Variants in ZDHHC15 observed in about 807,000 individuals in gnomAD.
ZDHHC15 encodes the protein zDHHC palmitoyltransferase 15, also known as palmitoyltransferase ZDHHC15.
A neutral mutation model predicts 31.7 loss-of-function variants in ZDHHC15; 19 were observed. That is an observed-to-expected ratio of 0.60 (90% CI 0.42 to 0.88). The LOEUF is 0.88. Among genes scored for constraint, ZDHHC15 ranks in the 40% least tolerant of loss-of-function variants. The pLI is 0.00. For missense variants in ZDHHC15, 209 were observed against 251.2 expected, an observed-to-expected ratio of 0.83 and a Z score of 1.14; for synonymous variants, 103 against 90.0, an observed-to-expected ratio of 1.14 and a Z score of -0.82.
At chrX:75,481,131 A>T (rs1281492087) in intron 2 of ZDHHC15, among the ~76,000 whole-genome samples, 2 of 110,304 alleles carry the variant, frequency 1.8e-5, no homozygotes, top group Admixed American at 9.8e-5. Context: ...ATCTTTTGCA[A>T]TTTTTTTGTT....
At chrX:75,417,485 C>T (rs2083561962) in intron 9 of ZDHHC15, among the ~76,000 whole-genome samples, 2 of 111,954 alleles carry the variant, frequency 1.8e-5, no homozygotes, top group Admixed American at 1.9e-4. Flanking sequence ...ATACATATCA[C>T]TTAATGATGA....
chrX:75,467,955 T>A (rs2084435257), intron 3 of ZDHHC15, among the ~76,000 whole-genome samples: 1 of 111,623 alleles, frequency 9.0e-6, no homozygotes, highest in African/African-American at 3.3e-5. Context: ...GAATTCTGTC[T>A]CTATGGATTT....
intron 4 of ZDHHC15, among the ~76,000 whole-genome samples, chrX:75,438,860 A>C (rs2083899665): frequency 8.9e-6 from 1 of 112,181 alleles, no homozygotes; most frequent in Admixed American, 9.5e-5. Flanking sequence ...GTAATGGTAA[A>C]TTATCTCAGC....
chrX:75,420,360 G>C (rs924193009), intron 9 of ZDHHC15, among the ~76,000 whole-genome samples: 7 of 111,576 alleles, frequency 6.3e-5, no homozygotes, highest in African/African-American at 2.3e-4. Flanking sequence ...GTTGGTGGGA[G>C]TGTAAATTAG....
intron 10 of ZDHHC15, chrX:75,384,454 G>A: frequency 1.2e-6 from 1 of 846,161 alleles, no homozygotes; most frequent in Non-Finnish European, 1.7e-6. Context: ...CTATAAGAAA[G>A]GTGATATTGT....
intron 7 of ZDHHC15, 53 bp from the exon 8 acceptor site, chrX:75,424,837 G>T: frequency 1.8e-6 from 2 of 1,118,753 alleles, no homozygotes; most frequent in Admixed American, 2.9e-5. Flanking sequence ...CGGATGGCTA[G>T]TTTTTCTAAA....
chrX:75,491,289 T>A (rs955641615), intron 2 of ZDHHC15, among the ~76,000 whole-genome samples: 3 of 109,922 alleles, frequency 2.7e-5, no homozygotes, highest in Non-Finnish European at 5.7e-5. Context: ...TGGAATTCTA[T>A]GCAGCCATAA....
intron 11 of ZDHHC15, among the ~76,000 whole-genome samples, chrX:75,375,092 C>T (rs2083046151): frequency 9.0e-6 from 1 of 111,156 alleles, no homozygotes; most frequent in East Asian, 2.8e-4. Flanking sequence ...AATTAAAGTG[C>T]TAGTTTCTTT....
intron 1 of ZDHHC15, among the ~76,000 whole-genome samples, chrX:75,515,115 G>T (rs2085335595): frequency 9.0e-6 from 1 of 111,196 alleles, no homozygotes. Context: ...TCCAGGACCA[G>T]ATGGATTCAT....
chrX:75,433,578 C>T (rs1314339616), intron 4 of ZDHHC15, among the ~76,000 whole-genome samples: 2 of 110,240 alleles, frequency 1.8e-5, no homozygotes, highest in African/African-American at 6.6e-5. Context: ...TGGTCTCCAA[C>T]TCCATCCAGG....
intron 4 of ZDHHC15, chrX:75,450,563 C>T (rs1166736132): frequency 8.6e-6 from 2 of 232,770 alleles, no homozygotes; most frequent in Non-Finnish European, 1.2e-5. Flanking sequence ...TGTGATATAG[C>T]AACACAGAAA....
intron 3 of ZDHHC15, among the ~76,000 whole-genome samples, chrX:75,476,152 T>C (rs1008174795): frequency 5.4e-5 from 6 of 111,545 alleles, no homozygotes; most frequent in African/African-American, 2.0e-4. Flanking sequence ...TGTAAGATCA[T>C]ACCTACAAAC....
rs1451084534 is a variant in ZDHHC15, at chrX:75,370,724, G to T, written c.*2254C>A. On this transcript the variant is annotated 3_prime_UTR_variant, in exon 12 of 12. Transcript: ENST00000373367. ...TTTTTGTATTTTTAGTAGAGACAGGGTTTCTCCATGTTGGTCAGGCTGGTC... is the reference window on the plus strand; with the variant it reads ...TTTTTGTATTTTTAGTAGAGACAGGTTTTCTCCATGTTGGTCAGGCTGGTC... 1.8e-5 allele frequency: 2 copies of T among 110,365 alleles called. No homozygotes were observed. The allele number at this position is 110,365 out of a possible 1,213,427, so 9.1% of individuals were successfully genotyped here. A position where few individuals can be genotyped will look rare whatever the true frequency, so the allele number is the denominator to read the frequency against.
chrX:75,387,766 T>C (rs1010869930), intron 10 of ZDHHC15, among the ~76,000 whole-genome samples: 1 of 111,334 alleles, frequency 9.0e-6, no homozygotes, highest in Non-Finnish European at 1.9e-5. Flanking sequence ...ACAAAAACTT[T>C]CCAAAACTTG....
intron 1 of ZDHHC15, among the ~76,000 whole-genome samples, chrX:75,517,145 T>G (rs2085370602): frequency 8.9e-6 from 1 of 111,849 alleles, no homozygotes; most frequent in East Asian, 2.8e-4. Context: ...GGTGGGAGTG[T>G]AAACTAGTTC....
chrX:75,408,480 C>T (rs970872779), intron 10 of ZDHHC15, among the ~76,000 whole-genome samples: 2 of 111,808 alleles, frequency 1.8e-5, no homozygotes, highest in African/African-American at 3.3e-5. Flanking sequence ...ATATGACAAA[C>T]CCACAGCTAA....
At position 75,372,234 on chromosome X, in the gene ZDHHC15, T is replaced by TAA. The variant is rs1231495465; in HGVS notation, c.*742_*743dup. On this transcript the variant is annotated 3_prime_UTR_variant, in exon 12 of 12. Transcript: ENST00000373367. Reference sequence around the variant, plus strand: ...AAAAAACACTGGTTATTATGTTCAATAAAGTTTATGTCCTGAATTTGATCT... The same window carrying TAA: ...AAAAAACACTGGTTATTATGTTCAATAAAAAGTTTATGTCCTGAATTTGATCT... The TAA allele has an allele frequency of 8.9e-6, 1 of 112,229 alleles. No individual in the cohort carries two copies. The highest frequency in any genetic ancestry group is 3.2e-5 in the African/African-American group (1 of 30,920). The allele number at this position is 112,229 out of a possible 1,213,427, so 9.2% of individuals were successfully genotyped here.
rs2083089076 is a variant in ZDHHC15, at chrX:75,379,132, TGCAG to T, written c.*16_*19del. The T allele has an allele frequency of 3.3e-6, 4 of 1,208,226 alleles. No individual in the cohort carries two copies. Among genetic ancestry groups the T allele is most frequent in the Non-Finnish European group, 4.5e-6 (4 of 893,587 alleles). On this transcript the variant is annotated 3_prime_UTR_variant, in exon 11 of 12. Coordinates refer to ENST00000373367, the MANE Select transcript of ZDHHC15 (RefSeq NM_144969.3). ...TCAGAATACTGACCTGTCTGAGAGA[TGCAG>T]GAAATGTGAAAACTGCTATGTTTCC...
intron 10 of ZDHHC15, among the ~76,000 whole-genome samples, chrX:75,382,441 C>T (rs910151739): frequency 9.0e-6 from 1 of 111,672 alleles, no homozygotes. Flanking sequence ...GAAAATGTCT[C>T]GCTACCCAAA....
Sources: allele counts gnomAD v4.1 joint callset (sites outside exome capture counted in the v4.1 genomes callset), GRCh38; gene constraint gnomAD v4.1.1; transcripts MANE v1.5; gene names NCBI Gene and HGNC (gene_info 2026-07-23, HGNC 2026-07-21).